The following ELAVL2 variants were observed in gnomAD, a reference collection of about 807,000 sequenced individuals.
ELAVL2 encodes the protein ELAV like RNA binding protein 2, also known as ELAV-like protein 2.
A neutral mutation model predicts 34.6 loss-of-function variants in ELAVL2; 4 were observed. The ratio of observed to expected loss-of-function variants is 0.12; its 90% confidence interval spans 0.06 to 0.26. The LOEUF (loss-of-function observed/expected upper bound fraction) is 0.26, where lower values mean the gene tolerates loss of function less well. Ranked by LOEUF, ELAVL2 falls within the 10% of genes least tolerant of loss-of-function variation. ELAVL2 has a pLI of 1.00. For synonymous variants in ELAVL2, 193 were observed against 154.8 expected (o/e 1.25, Z -1.83); for missense variants, 432 against 442.8 (o/e 0.98, Z 0.22).
chr9:23,767,059 CTTT>C (rs946640431), intron 1 of ELAVL2, among the ~76,000 whole-genome samples: 4 of 152,208 alleles, frequency 2.6e-5, no homozygotes, highest in Non-Finnish European at 5.9e-5. Context: ...CGAAAAGGCA[CTTT>C]AGCATAGATG....
At chr9:23,841,796 A>G in the ELAVL2 span, among the ~76,000 whole-genome samples, 120 of 152,308 alleles carry the variant, frequency 7.9e-4, 1 homozygote, top group East Asian at 6.6e-3. Flanking sequence ...AAGTAAATCT[A>G]TGAACACTGG....
chr9:23,699,536 C>G (rs1309146935), intron 5 of ELAVL2, among the ~76,000 whole-genome samples: 1 of 152,166 alleles, frequency 6.6e-6, no homozygotes, highest in Non-Finnish European at 1.5e-5. Flanking sequence ...AGATCATTTT[C>G]AAGGCCCCAA....
chr9:23,722,801 G>A (rs1442904018), intron 3 of ELAVL2, among the ~76,000 whole-genome samples: 1 of 152,132 alleles, frequency 6.6e-6, no homozygotes, highest in Non-Finnish European at 1.5e-5. Flanking sequence ...TGCTGTTTCT[G>A]CACGAATTCA....
chr9:23,813,057 C>T (rs1310383564), intron 1 of ELAVL2, among the ~76,000 whole-genome samples: 5 of 152,210 alleles, frequency 3.3e-5, no homozygotes, highest in Admixed American at 1.3e-4. Flanking sequence ...TCCACACTGA[C>T]ATTTTCTACC....
At chr9:23,748,034 C>A (rs1459051563) in intron 2 of ELAVL2, among the ~76,000 whole-genome samples, 1 of 152,062 alleles carries the variant, frequency 6.6e-6, no homozygotes, top group Non-Finnish European at 1.5e-5. Flanking sequence ...ATCTGTCTCC[C>A]AAGGTTGCTT....
At chr9:23,811,887 C>T (rs957466988) in intron 1 of ELAVL2, among the ~76,000 whole-genome samples, 95 of 152,100 alleles carry the variant, frequency 6.2e-4, no homozygotes, top group African/African-American at 2.3e-3. Context: ...TTACTCATAC[C>T]ATAAAAGAAA....
chr9:23,797,354 C>T (rs995636623), intron 1 of ELAVL2, among the ~76,000 whole-genome samples: 10 of 152,144 alleles, frequency 6.6e-5, no homozygotes, highest in African/African-American at 2.2e-4. Flanking sequence ...ATGCTAAGTC[C>T]CTAGCACATC....
chr9:23,711,209 G>A (rs914535667), intron 3 of ELAVL2, among the ~76,000 whole-genome samples: 6 of 152,130 alleles, frequency 3.9e-5, no homozygotes, highest in African/African-American at 1.4e-4. Context: ...GGTATTAAAG[G>A]TTAGGGCAGT....
At chr9:23,822,776 A>G (rs1187191164) in intron 1 of ELAVL2, among the ~76,000 whole-genome samples, 3 of 152,254 alleles carry the variant, frequency 2.0e-5, no homozygotes, top group African/African-American at 7.2e-5. Flanking sequence ...CTGAAATTGT[A>G]GGAGGTAAGA....
intron 1 of ELAVL2, among the ~76,000 whole-genome samples, chr9:23,785,243 T>A (rs2059542995): frequency 6.6e-6 from 1 of 152,134 alleles, no homozygotes; most frequent in Non-Finnish European, 1.5e-5. Context: ...AGCAGCACTG[T>A]TCATCAAAGC....
intron 2 of ELAVL2, among the ~76,000 whole-genome samples, chr9:23,734,257 G>A (rs1326187247): frequency 6.6e-6 from 1 of 152,248 alleles, no homozygotes; most frequent in Middle Eastern, 3.4e-3. Flanking sequence ...AATATATTAA[G>A]GGTATCGCAG....
chr9:23,747,192 C>G (rs978947120), intron 2 of ELAVL2, among the ~76,000 whole-genome samples: 5 of 151,764 alleles, frequency 3.3e-5, no homozygotes, highest in African/African-American at 1.2e-4. Flanking sequence ...AAGATGGATT[C>G]TAAGTGATTA....
chr9:23,828,737 C>T (rs986656867), upstream of ELAVL2, among the ~76,000 whole-genome samples: 1 of 151,996 alleles, frequency 6.6e-6, no homozygotes, highest in Non-Finnish European at 1.5e-5. Context: ...GTGAAAGTAT[C>T]TTAAAATATT....
chr9:23,816,093 CTG>C (rs2063663567), intron 1 of ELAVL2, among the ~76,000 whole-genome samples: 1 of 151,916 alleles, frequency 6.6e-6, no homozygotes, highest in Non-Finnish European at 1.5e-5. Context: ...ATACTAAAAA[CTG>C]TATGGAAATT....
intron 1 of ELAVL2, among the ~76,000 whole-genome samples, chr9:23,818,252 A>G (rs980481320): frequency 2.0e-5 from 3 of 152,220 alleles, no homozygotes; most frequent in African/African-American, 7.2e-5. Context: ...GTTCTATAAT[A>G]TATCAACAAA....
chr9:23,807,311 G>A (rs1200535365), intron 1 of ELAVL2, among the ~76,000 whole-genome samples: 2 of 152,064 alleles, frequency 1.3e-5, no homozygotes, highest in East Asian at 1.9e-4. Flanking sequence ...TAGCCAGATG[G>A]AAAATTCACT....
intron 5 of ELAVL2, among the ~76,000 whole-genome samples, chr9:23,693,724 A>G (rs1022198733): frequency 2.0e-5 from 3 of 152,236 alleles, no homozygotes; most frequent in African/African-American, 7.2e-5. Flanking sequence ...AGTGACGGTC[A>G]TCTGAGGATA....
At chr9:23,820,232 T>C (rs993186353) in intron 1 of ELAVL2, among the ~76,000 whole-genome samples, 6 of 152,170 alleles carry the variant, frequency 3.9e-5, no homozygotes, top group Admixed American at 1.3e-4. Context: ...TACACAGCAA[T>C]TGATATTCGA....
chr9:23,721,450 C>T (rs2043689652), intron 3 of ELAVL2, among the ~76,000 whole-genome samples: 1 of 152,228 alleles, frequency 6.6e-6, no homozygotes, highest in Non-Finnish European at 1.5e-5. Flanking sequence ...CATGCTTGTT[C>T]TATTTTTCCT....
Sources: allele counts gnomAD v4.1 joint callset (sites outside exome capture counted in the v4.1 genomes callset), GRCh38; gene constraint gnomAD v4.1.1; transcripts MANE v1.5; gene names NCBI Gene and HGNC (gene_info 2026-07-23, HGNC 2026-07-21).